Variants in ARID1B observed in about 807,000 individuals in gnomAD.
The protein encoded by ARID1B is AT-rich interactive domain-containing protein 1B.
Under a neutral mutation model 212.3 loss-of-function variants are expected in ARID1B, and 30 were observed. That is an observed-to-expected ratio of 0.14 (90% CI 0.11 to 0.19). The LOEUF (loss-of-function observed/expected upper bound fraction) is 0.19, where lower values mean the gene tolerates loss of function less well. Ranked by LOEUF, ARID1B falls within the 10% of genes least tolerant of loss-of-function variation. The pLI, the probability that ARID1B is intolerant of heterozygous loss-of-function variation, is 1.00. For missense variants in ARID1B, 2,891 were observed against 3,204.0 expected, an observed-to-expected ratio of 0.90 and a Z score of 2.36; for synonymous variants, 1,402 against 1,301.7, an observed-to-expected ratio of 1.08 and a Z score of -1.66.
chr6:157,023,843 T>G (rs1367438917), intron 4 of ARID1B: 1 of 152,214 alleles, frequency 6.6e-6, no homozygotes, highest in African/African-American at 2.4e-5. Context: ...TCCCCTAGGT[T>G]TGCCAAAGGT....
In ARID1B at chr6:156,809,712, A is replaced by AG. The variant is rs796851576; in HGVS notation, c.1792-19514dup. ...GCATGTGAAGATTTGCCTTTTTCAA[A>AG]GAAAAAAAAAAAAAAAAAAAAAGGA... On this transcript the variant is annotated intron_variant, in intron 1 of 19. Coordinates refer to ENST00000636930, the MANE Select transcript of ARID1B (RefSeq NM_001374828.1). Among the ~76,000 whole-genome samples the AG allele has an allele frequency of 6.6e-4, 85 of 129,406 alleles. 1 individual carries two copies. Among genetic ancestry groups the AG allele is most frequent in the African/African-American group, 1.7e-3 (57 of 34,174 alleles). 84.9% of individuals were successfully genotyped at this position (129,406 alleles called of 152,430 possible). A position where few individuals can be genotyped will look rare whatever the true frequency, so the allele number is the denominator to read the frequency against.
intron 2 of ARID1B, among the ~76,000 whole-genome samples, chr6:156,865,171 C>G (rs1785593988): frequency 6.6e-6 from 1 of 152,152 alleles, no homozygotes; most frequent in Admixed American, 6.5e-5. Flanking sequence ...TTTCCCTTCA[C>G]TTTCTTGTGT....
chr6:157,170,284 A>G (rs756653383), intron 9 of ARID1B: 3 of 152,202 alleles, frequency 2.0e-5, no homozygotes, highest in Non-Finnish European at 4.4e-5. Flanking sequence ...TTTGAAATTG[A>G]AAAAAAGAAA....
chr6:156,862,921 AAAAGGCAGGTGGGTAG>A (rs1473501360), intron 2 of ARID1B, among the ~76,000 whole-genome samples: 1 of 152,240 alleles, frequency 6.6e-6, no homozygotes, highest in African/African-American at 2.4e-5. Context: ...ATTTAAAAAC[AAAAGGCAGGTGGGTAG>A]AAAGAACAGC....
intron 3 of ARID1B, among the ~76,000 whole-genome samples, chr6:156,932,560 T>A (rs983280447): frequency 6.6e-6 from 1 of 152,262 alleles, no homozygotes; most frequent in Non-Finnish European, 1.5e-5. Flanking sequence ...TTATAAAATA[T>A]GATGCTGAAC....
chr6:156,942,433 A>C (rs886421497), intron 4 of ARID1B: 1 of 152,114 alleles, frequency 6.6e-6, no homozygotes, highest in African/African-American at 2.4e-5. Context: ...TGTGGTCTGG[A>C]TGCCTGGGCC....
chr6:157,110,425 A>C, intron 5 of ARID1B, 47 bp from the exon 6 acceptor site: 1 of 1,552,914 alleles, frequency 6.4e-7, no homozygotes, highest in Non-Finnish European at 8.9e-7. Context: ...CTGCATTATT[A>C]ATGCAAAGGG....
chr6:156,818,944 A>T (rs530406829), intron 1 of ARID1B, among the ~76,000 whole-genome samples: 523 of 141,468 alleles, frequency 3.7e-3, no homozygotes, highest in African/African-American at 0.014. Context: ...TATCCTTTTA[A>T]AAAAAAAAAA....
At chr6:156,902,123 T>C (rs550700069) in intron 3 of ARID1B, 2 of 152,764 alleles carry the variant, frequency 1.3e-5, no homozygotes, top group African/African-American at 4.8e-5. Context: ...TTTAGGTTAC[T>C]GGGTTATATA....
chr6:157,060,630 CTTTTT>C (rs56870548), intron 4 of ARID1B, among the ~76,000 whole-genome samples: 1 of 72,042 alleles, frequency 1.4e-5, no homozygotes, highest in Non-Finnish European at 2.4e-5. Context: ...AAAATCTGAA[CTTTTT>C]TTTTTTTTTT....
At chr6:156,989,843 G>A (rs746071816) in intron 4 of ARID1B, among the ~76,000 whole-genome samples, 5 of 152,262 alleles carry the variant, frequency 3.3e-5, no homozygotes, top group South Asian at 2.1e-4. Context: ...GTTACCTCCC[G>A]GGTGATGGGA....
intron 1 of ARID1B, among the ~76,000 whole-genome samples, chr6:156,793,903 A>T (rs1391304951): frequency 6.6e-6 from 1 of 152,254 alleles, no homozygotes; most frequent in Non-Finnish European, 1.5e-5. Context: ...CATTGCACGT[A>T]TTATCTGCAA....
intron 2 of ARID1B, among the ~76,000 whole-genome samples, chr6:156,891,740 C>T (rs552662538): frequency 1.1e-4 from 17 of 152,180 alleles, no homozygotes; most frequent in African/African-American, 4.1e-4. Flanking sequence ...TTTTTTTCCC[C>T]CCCTCAAACC....
rs750705367 is a variant in ARID1B at position 157,210,258 on chromosome 6, C to T, written c.*2367C>T. On this transcript the variant is annotated 3_prime_UTR_variant, in exon 20 of 20. Coordinates refer to ENST00000636930, the MANE Select transcript of ARID1B (RefSeq NM_001374828.1). Reference sequence around the variant, plus strand: ...CTTGCTAAGAACAGATTTCAGTGCTCCAAGCTTCAAATATGGAGATTTGTA... The same window carrying T: ...CTTGCTAAGAACAGATTTCAGTGCTTCAAGCTTCAAATATGGAGATTTGTA... The T allele has an allele frequency of 1.7e-5, 4 of 230,968 alleles. No homozygotes were observed. Among genetic ancestry groups the T allele is most frequent in the Non-Finnish European group, 3.4e-5 (4 of 116,868 alleles). The allele number at this position is 230,968 out of a possible 1,614,324, so 14.3% of individuals were successfully genotyped here.
chr6:156,914,655 A>C lies in ARID1B; in HGVS notation c.2136+13130A>C, dbSNP rs146666124. On this transcript the variant is annotated intron_variant, in intron 3 of 19. Coordinates refer to ENST00000636930, the MANE Select transcript of ARID1B (RefSeq NM_001374828.1). ...TGTGACTTTCATATGTACTTTTGCA[A>C]CTTGGATCTGTCTTGTCCTTTCTAC... 2.3e-3 allele frequency among the ~76,000 whole-genome samples: 352 copies of C among 152,274 alleles called. 2 individuals carry two copies. The highest frequency in any genetic ancestry group is 8.1e-3 in the African/African-American group (336 of 41,558).
At chr6:156,900,949 A>G (rs979088325) in intron 2 of ARID1B, among the ~76,000 whole-genome samples, 5 of 152,234 alleles carry the variant, frequency 3.3e-5, no homozygotes, top group African/African-American at 1.2e-4. Flanking sequence ...ACAAACATAC[A>G]CAAGAAAGCA....
chr6:157,159,941 T>C (rs1790826398), intron 8 of ARID1B, among the ~76,000 whole-genome samples: 1 of 152,260 alleles, frequency 6.6e-6, no homozygotes, highest in South Asian at 2.1e-4. Context: ...AACAATATTC[T>C]TCTTTGCCCA....
intron 5 of ARID1B, among the ~76,000 whole-genome samples, chr6:157,090,132 T>C (rs1785187183): frequency 6.6e-6 from 1 of 152,170 alleles, no homozygotes; most frequent in African/African-American, 2.4e-5. Flanking sequence ...AAAGCAAAAA[T>C]GTAAATAAGC....
At chr6:156,923,900 G>A (rs766602665) in intron 3 of ARID1B, among the ~76,000 whole-genome samples, 1 of 152,018 alleles carries the variant, frequency 6.6e-6, no homozygotes, top group East Asian at 1.9e-4. Context: ...GTTTCACCGC[G>A]TTGGCCAGGC....
Sources: gnomAD v4.1 joint callset for allele counts (sites outside exome capture counted in the v4.1 genomes callset) on GRCh38, gnomAD v4.1.1 for gene constraint, MANE v1.5 for transcripts, NCBI Gene and HGNC (gene_info 2026-07-23, HGNC 2026-07-21) for gene names.